MROH9: variants seen among roughly 807,000 people sequenced by gnomAD.
MROH9 encodes maestro heat like repeat family member 9, also known as maestro heat-like repeat-containing protein family member 9.
Under a neutral mutation model 98.2 loss-of-function variants are expected in MROH9, and 92 were observed. The observed-to-expected ratio is 0.94, with a 90% CI of 0.79 to 1.11. The LOEUF is 1.11. MROH9 is among the 50% of genes most tolerant of loss of function. MROH9 has a pLI of 0.00. For missense variants in MROH9, 1,057 were observed against 1,014.8 expected, an observed-to-expected ratio of 1.04 and a Z score of -0.57; for synonymous variants, 397 against 368.9, an observed-to-expected ratio of 1.08 and a Z score of -0.87.
chr1:171,052,643 A>C (rs919808343), intron 20 of MROH9, among the ~76,000 whole-genome samples: 1 of 152,178 alleles, frequency 6.6e-6, no homozygotes, highest in Non-Finnish European at 1.5e-5. Flanking sequence ...TGTGCCCCAG[A>C]AAGGAGCAGA....
chr1:170,989,123 A>G (rs1409164012), intron 10 of MROH9, among the ~76,000 whole-genome samples: 1 of 152,140 alleles, frequency 6.6e-6, no homozygotes, highest in African/African-American at 2.4e-5. Context: ...GCATCAACTA[A>G]TTTTTCAGCT....
At chr1:171,058,542 G>A (rs1227445815) in intron 20 of MROH9, among the ~76,000 whole-genome samples, 1 of 151,962 alleles carries the variant, frequency 6.6e-6, no homozygotes, top group Non-Finnish European at 1.5e-5. Context: ...ATATGGCCAA[G>A]ACAATCCTAA....
chr1:170,956,883 T>G (rs1333256921), intron 3 of MROH9, among the ~76,000 whole-genome samples: 1 of 152,132 alleles, frequency 6.6e-6, no homozygotes, highest in Non-Finnish European at 1.5e-5. Context: ...GGACTTCCAG[T>G]ACTATGTTGA....
At chr1:170,945,135 G>A (rs1470683659) in intron 1 of MROH9, among the ~76,000 whole-genome samples, 1 of 151,898 alleles carries the variant, frequency 6.6e-6, no homozygotes, top group Non-Finnish European at 1.5e-5. Flanking sequence ...TCTAGATGCT[G>A]AGTATTGTCC....
chr1:171,033,308 A>G (rs1331584728), intron 20 of MROH9, among the ~76,000 whole-genome samples: 1 of 152,252 alleles, frequency 6.6e-6, no homozygotes, highest in Admixed American at 6.5e-5. Context: ...TCACCCCAGG[A>G]GTTCAGTAAT....
At chr1:171,048,387 C>T (rs1353423481) in intron 20 of MROH9, among the ~76,000 whole-genome samples, 1 of 152,168 alleles carries the variant, frequency 6.6e-6, no homozygotes, top group Admixed American at 6.5e-5. Flanking sequence ...CTCTCCTCTC[C>T]CCTCTCCAAA....
At chr1:170,993,995 G>T (rs1451954366) in intron 12 of MROH9, among the ~76,000 whole-genome samples, 1 of 151,866 alleles carries the variant, frequency 6.6e-6, no homozygotes, top group Non-Finnish European at 1.5e-5. Context: ...ACTTTTAGAG[G>T]GTTCTAATTA....
At chr1:170,996,926 G>A (rs937545755) in intron 14 of MROH9, among the ~76,000 whole-genome samples, 3 of 152,026 alleles carry the variant, frequency 2.0e-5, no homozygotes, top group African/African-American at 7.3e-5. Context: ...AAAACTAGAA[G>A]TGAGTTTGGT....
At chr1:171,050,279 T>C (rs1189909304) in intron 20 of MROH9, among the ~76,000 whole-genome samples, 4 of 152,184 alleles carry the variant, frequency 2.6e-5, no homozygotes, top group South Asian at 2.1e-4. Flanking sequence ...TTTAAATCTT[T>C]AACATCTCTT....
intron 20 of MROH9, among the ~76,000 whole-genome samples, chr1:171,029,220 T>G (rs982382424): frequency 6.6e-6 from 1 of 151,950 alleles, no homozygotes; most frequent in Non-Finnish European, 1.5e-5. Context: ...ATTAAGAGGG[T>G]TTTGTTTTTT....
chr1:171,035,198 ATG>A (rs1571156631), intron 20 of MROH9, among the ~76,000 whole-genome samples: 2 of 152,186 alleles, frequency 1.3e-5, no homozygotes, highest in East Asian at 3.9e-4. Context: ...TGCAACTAAA[ATG>A]TATTAATTTT....
Position 171,028,383 on chromosome 1 carries a change from T to A in MROH9, c.2281+2963T>A, listed in dbSNP as rs146009574. Among the ~76,000 whole-genome samples, 627 of 152,316 alleles carry A rather than the reference T, an allele frequency of 4.1e-3. 2 individuals are homozygous for A. Among genetic ancestry groups the A allele is most frequent in the African/African-American group, 0.015 (603 of 41,556 alleles). ...AGGTCTCTGTTCTGTTCCATTTGTC[T>A]ATGTATCTGCTTTGGTACCAGTACC... On this transcript the variant is annotated intron_variant, in intron 20 of 21. Coordinates refer to ENST00000367759, the MANE Select transcript of MROH9 (RefSeq NM_001163629.2).
intron 3 of MROH9, among the ~76,000 whole-genome samples, chr1:170,951,127 A>G (rs2101878432): frequency 6.6e-6 from 1 of 152,228 alleles, no homozygotes; most frequent in African/African-American, 2.4e-5. Context: ...AGTTAGATGT[A>G]TACACTGTTA....
At chr1:170,965,072 G>A (rs1409786496) in intron 6 of MROH9, 79 bp from the exon 7 acceptor site, 1 of 922,106 alleles carries the variant, frequency 1.1e-6, no homozygotes, top group African/African-American at 1.7e-5. Context: ...GCCTGATTTG[G>A]TGAAGTTGAA....
At chr1:171,008,907 T>C (rs998165197) in intron 15 of MROH9, among the ~76,000 whole-genome samples, 8 of 152,128 alleles carry the variant, frequency 5.3e-5, no homozygotes, top group Admixed American at 1.3e-4. Context: ...ATGTATTATG[T>C]ACTATAGAAG....
rs993906308 is a variant in MROH9, at chr1:171,060,859, T to C, written c.2282-1273T>C. 7.9e-5 allele frequency among the ~76,000 whole-genome samples: 12 copies of C among 152,064 alleles called. 1 individual carries two copies. The South Asian group carries it at 1.0e-3, about 13-fold the overall frequency. ...ACAGGACCTCAAAATTAACTGACCATAAATGTAAAGATGATGAGTTCAACT... is the reference window on the plus strand; with the variant it reads ...ACAGGACCTCAAAATTAACTGACCACAAATGTAAAGATGATGAGTTCAACT... On this transcript the variant is annotated intron_variant, in intron 20 of 21. Transcript: ENST00000367759.
intron 20 of MROH9, among the ~76,000 whole-genome samples, chr1:171,025,834 TA>T (rs1440074598): frequency 6.6e-6 from 1 of 152,104 alleles, no homozygotes. Context: ...ACTAAAGTTT[TA>T]AAAAAGTGGA....
intron 20 of MROH9, among the ~76,000 whole-genome samples, chr1:171,054,804 TACC>T (rs1460538099): frequency 6.6e-6 from 1 of 152,168 alleles, no homozygotes; most frequent in African/African-American, 2.4e-5. Context: ...CACAATATGA[TACC>T]ACCTTACTCC....
At chr1:170,960,648 G>A (rs74842259) in intron 5 of MROH9, among the ~76,000 whole-genome samples, 2,228 of 152,054 alleles carry the variant, frequency 0.015, 51 homozygotes, top group African/African-American at 0.05. Flanking sequence ...TTTGAGACAG[G>A]GTCTTGCTCC....
Sources: gnomAD v4.1 joint callset for allele counts (sites outside exome capture counted in the v4.1 genomes callset) on GRCh38, gnomAD v4.1.1 for gene constraint, MANE v1.5 for transcripts, NCBI Gene and HGNC (gene_info 2026-07-23, HGNC 2026-07-21) for gene names.